ADARB2: variants seen among roughly 807,000 people sequenced by gnomAD.
The protein encoded by ADARB2 is inactive double-stranded RNA-specific editase B2.
In ADARB2, 25 loss-of-function variants were observed where a neutral mutation model predicts 62.2. That is an observed-to-expected ratio of 0.40 (90% CI 0.29 to 0.56). The LOEUF is 0.56. Among genes scored for constraint, ADARB2 ranks in the 20% least tolerant of loss-of-function variants. ADARB2 has a pLI of 0.43. For missense variants in ADARB2, 1,071 were observed against 1,077.4 expected (o/e 0.99, Z 0.08); for synonymous variants, 572 against 500.8 (o/e 1.14, Z -1.90).
At chr10:1,664,407 T>C (rs1400303038) in intron 1 of ADARB2, among the ~76,000 whole-genome samples, 4 of 152,198 alleles carry the variant, frequency 2.6e-5, no homozygotes, top group Admixed American at 6.5e-5. Flanking sequence ...GGCTGCACCA[T>C]CCTGCACTCC....
intron 1 of ADARB2, among the ~76,000 whole-genome samples, chr10:1,437,283 T>TAG (rs1830844629): frequency 7.4e-6 from 1 of 134,844 alleles, no homozygotes; most frequent in Non-Finnish European, 1.6e-5. Context: ...TATATATATA[T>TAG]AGCTAACTTT....
chr10:1,382,917 G>A (rs978156160), intron 1 of ADARB2, among the ~76,000 whole-genome samples: 4 of 152,154 alleles, frequency 2.6e-5, no homozygotes, highest in African/African-American at 9.7e-5. Context: ...CTTGAGCTCG[G>A]GCTCCCATCA....
rs1017562714 is a variant in ADARB2, at chr10:1,255,711, G to C, written c.1193-13412C>G. Among the ~76,000 whole-genome samples, 8 of 152,240 alleles carry C rather than the reference G, an allele frequency of 5.3e-5. No homozygotes were observed. Among genetic ancestry groups the C allele is most frequent in the Non-Finnish European group, 1.0e-4 (7 of 68,036 alleles). ...TGCCAGTGACCTTTCTGTGGGCCTT[G>C]GGCAGGGAGCTGGCTGCATGGTTCG... On this transcript the variant is annotated intron_variant, in intron 4 of 9. Transcript: ENST00000381312. This position sits in a 1 kb window ranked among gnomAD's most constrained non-coding sequence, Gnocchi z 4.7.
At chr10:1,270,702 G>A (rs1487725414) in intron 4 of ADARB2, among the ~76,000 whole-genome samples, 2 of 152,218 alleles carry the variant, frequency 1.3e-5, no homozygotes, top group Non-Finnish European at 2.9e-5. Context: ...GAAGGGGCTG[G>A]CCAGGCCCCC....
At chr10:1,504,363 C>T (rs1297881836) in intron 1 of ADARB2, among the ~76,000 whole-genome samples, 1 of 152,206 alleles carries the variant, frequency 6.6e-6, no homozygotes, top group Non-Finnish European at 1.5e-5. Flanking sequence ...AACACTCAGC[C>T]CACCCCTTAC....
chr10:1,283,744 T>C (rs1831389582), intron 3 of ADARB2, among the ~76,000 whole-genome samples: 1 of 152,192 alleles, frequency 6.6e-6, no homozygotes. Context: ...GTCCTTCATG[T>C]GGCTCACTGG....
intron 3 of ADARB2, among the ~76,000 whole-genome samples, chr10:1,342,773 G>A (rs1297343753): frequency 1.3e-5 from 2 of 152,208 alleles, no homozygotes; most frequent in Non-Finnish European, 2.9e-5. Context: ...TAGGAAAAGA[G>A]GTCTTTTGCT....
At chr10:1,699,028 T>G (rs1255259842) in intron 1 of ADARB2, among the ~76,000 whole-genome samples, 1 of 152,238 alleles carries the variant, frequency 6.6e-6, no homozygotes, top group South Asian at 2.1e-4. Context: ...CCCGAAGTGC[T>G]GGGATTACAG....
intron 3 of ADARB2, among the ~76,000 whole-genome samples, chr10:1,300,504 T>G (rs931347324): frequency 6.6e-6 from 1 of 152,220 alleles, no homozygotes; most frequent in African/African-American, 2.4e-5. Flanking sequence ...CCCCCATGTG[T>G]GCTCCTATAA....
At chr10:1,537,778 C>A (rs910891050) in intron 1 of ADARB2, among the ~76,000 whole-genome samples, 1 of 152,034 alleles carries the variant, frequency 6.6e-6, no homozygotes, top group Non-Finnish European at 1.5e-5. Context: ...CACATGGACA[C>A]AGGGAGGGGA....
chr10:1,659,450 G>A (rs891708345), intron 1 of ADARB2, among the ~76,000 whole-genome samples: 3 of 152,180 alleles, frequency 2.0e-5, no homozygotes, highest in Non-Finnish European at 2.9e-5. Flanking sequence ...TGACTAAAAC[G>A]TGCACAGAAA....
At chr10:1,246,817 G>A (rs1459983782) in intron 4 of ADARB2, among the ~76,000 whole-genome samples, 1 of 151,556 alleles carries the variant, frequency 6.6e-6, no homozygotes, top group Non-Finnish European at 1.5e-5. Flanking sequence ...ACTTGGTGAT[G>A]CGGGCTCTTT....
At chr10:1,562,083 G>A (rs1004650092) in intron 1 of ADARB2, among the ~76,000 whole-genome samples, 1 of 152,164 alleles carries the variant, frequency 6.6e-6, no homozygotes, top group South Asian at 2.1e-4. Context: ...TCACAGTGCG[G>A]TTCTCAGGGG....
At chr10:1,261,545 A>G (rs1168021196) in intron 4 of ADARB2, among the ~76,000 whole-genome samples, 1 of 150,464 alleles carries the variant, frequency 6.6e-6, no homozygotes, top group East Asian at 1.9e-4. Flanking sequence ...AGACACATGA[A>G]AAAATGCTCA....
intron 7 of ADARB2, among the ~76,000 whole-genome samples, chr10:1,212,849 G>A (rs1837174840): frequency 6.6e-6 from 1 of 150,870 alleles, no homozygotes; most frequent in Non-Finnish European, 1.5e-5. Flanking sequence ...GCACCCTGCA[G>A]CCAAGCGGCC....
At chr10:1,418,670 G>A (rs1002242700) in intron 1 of ADARB2, among the ~76,000 whole-genome samples, 5 of 152,178 alleles carry the variant, frequency 3.3e-5, no homozygotes, top group African/African-American at 1.2e-4. Context: ...AGAGTAGTCC[G>A]TATTATTATG....
chr10:1,373,320 ACACACACCCACC>A (rs1267758961), intron 2 of ADARB2, among the ~76,000 whole-genome samples: 2 of 151,738 alleles, frequency 1.3e-5, no homozygotes, highest in African/African-American at 4.8e-5. Flanking sequence ...TGACACACAC[ACACACACCCACC>A]CACACACACA....
intron 1 of ADARB2, among the ~76,000 whole-genome samples, chr10:1,410,506 C>G (rs901756413): frequency 6.6e-6 from 1 of 152,170 alleles, no homozygotes; most frequent in South Asian, 2.1e-4. Flanking sequence ...CTTCTCCAGG[C>G]GGGCAGACAA....
chr10:1,565,155 T>C (rs1397988935), intron 1 of ADARB2, among the ~76,000 whole-genome samples: 1 of 152,240 alleles, frequency 6.6e-6, no homozygotes, highest in Non-Finnish European at 1.5e-5. Flanking sequence ...GTTCTGGACC[T>C]CTCATTGTGC....
Sources: gnomAD v4.1 joint callset for allele counts (sites outside exome capture counted in the v4.1 genomes callset) on GRCh38, gnomAD v4.1.1 for gene constraint, Gnocchi (gnomAD v3.1) non-coding constraint, MANE v1.5 for transcripts, NCBI Gene and HGNC (gene_info 2026-07-23, HGNC 2026-07-21) for gene names.